The following SLC36A3 variants were observed in gnomAD, a reference collection of about 807,000 sequenced individuals.
SLC36A3 encodes the protein solute carrier family 36 member 3, also known as proton-coupled amino acid transporter 3.
In SLC36A3, 35 loss-of-function variants were observed where a neutral mutation model predicts 44.3. The ratio of observed to expected loss-of-function variants is 0.79; its 90% CI spans 0.60 to 1.05. The LOEUF (loss-of-function observed/expected upper bound fraction) is 1.05, where lower values mean the gene tolerates loss of function less well. Ranked by LOEUF, SLC36A3 falls within the 50% of genes least tolerant of loss-of-function variation. The pLI is 0.00. For missense variants in SLC36A3, 540 were observed against 578.7 expected, an observed-to-expected ratio of 0.93 and a Z score of 0.69; for synonymous variants, 211 against 227.6, an observed-to-expected ratio of 0.93 and a Z score of 0.66.
chr5:151,302,863 G>C (rs1367027942), intron 1 of SLC36A3, among the ~76,000 whole-genome samples: 2 of 151,540 alleles, frequency 1.3e-5, no homozygotes, highest in Non-Finnish European at 2.9e-5. Flanking sequence ...GGGGGTTGGG[G>C]AGAAGAGGCA....
chr5:151,284,277 G>A, intron 7 of SLC36A3, 67 bp from the exon 8 acceptor site: 4 of 1,396,770 alleles, frequency 2.9e-6, no homozygotes, highest in Non-Finnish European at 3.9e-6. Flanking sequence ...TGAAGGAGAG[G>A]GTTCCCGTAC....
intron 6 of SLC36A3, among the ~76,000 whole-genome samples, chr5:151,286,228 C>T (rs904375586): frequency 1.4e-4 from 21 of 152,336 alleles, no homozygotes; most frequent in African/African-American, 5.1e-4. Flanking sequence ...TCCAGGACCT[C>T]CCGTGGATAC....
intron 4 of SLC36A3, 52 bp from the exon 5 acceptor site, chr5:151,288,522 A>G (rs562496750): frequency 2.4e-6 from 3 of 1,252,738 alleles, no homozygotes; most frequent in Non-Finnish European, 3.3e-6. Context: ...AGCTAAAATT[A>G]TTTCTTAAGA....
intron 1 of SLC36A3, among the ~76,000 whole-genome samples, chr5:151,301,709 C>T (rs928497481): frequency 5.6e-5 from 8 of 143,102 alleles, no homozygotes; most frequent in Admixed American, 2.2e-4. Context: ...CCAGCCTGGG[C>T]GATAGAGCAA....
Position 151,303,519 on chromosome 5 carries a change from C to T in SLC36A3, c.-165G>A, listed in dbSNP as rs908754225. Reference sequence around the variant, plus strand: ...GCCTGAAGTGCATGAATCAGGGAAGCGGTGGTGGCAGGAGAGGCTGATGTT... The same window carrying T: ...GCCTGAAGTGCATGAATCAGGGAAGTGGTGGTGGCAGGAGAGGCTGATGTT... On this transcript the variant is annotated 5_prime_UTR_variant, in exon 1 of 10. Coordinates refer to ENST00000335230, the MANE Select transcript of SLC36A3 (RefSeq NM_181774.4). The T allele has an allele frequency of 9.1e-6, 6 of 657,908 alleles. No homozygotes were observed. The highest frequency in any genetic ancestry group is 7.3e-5 in the African/African-American group (4 of 55,146). 40.8% of individuals were successfully genotyped at this position (657,908 alleles called of 1,614,324 possible).
At chr5:151,283,498 T>C (rs906765274) in intron 8 of SLC36A3, among the ~76,000 whole-genome samples, 2 of 152,210 alleles carry the variant, frequency 1.3e-5, no homozygotes, top group Non-Finnish European at 2.9e-5. Flanking sequence ...ATTAGGATGA[T>C]ATCTTGAGTA....
rs1754115221 is a variant in SLC36A3 at position 151,277,067 on chromosome 5, T to C, written c.*326A>G. 3.1e-6 allele frequency: 1 copy of C among 322,678 alleles called. No individual in the cohort carries two copies. Among genetic ancestry groups the C allele is most frequent in the South Asian group, 5.0e-5 (1 of 19,960 alleles). 20.0% of individuals were successfully genotyped at this position (322,678 alleles called of 1,614,324 possible). ...GCTACTGCAGTGTAGAGAAAACAGT[T>C]ACTTTTGTATTTATGCTTGGTCTCT... On this transcript the variant is annotated 3_prime_UTR_variant, in exon 10 of 10. Transcript: ENST00000335230.
At chr5:151,299,223 GCGCTCTCTCTCTCT>G (rs1755066988) in intron 1 of SLC36A3, among the ~76,000 whole-genome samples, 1 of 94,762 alleles carries the variant, frequency 1.1e-5, no homozygotes, top group Admixed American at 1.1e-4. Context: ...AATTGCTTGT[GCGCTCTCTCTCTCT>G]CTCTCTCTCT....
chr5:151,283,307 G>A (rs1355828156), intron 8 of SLC36A3, among the ~76,000 whole-genome samples: 2 of 121,686 alleles, frequency 1.6e-5, no homozygotes, highest in Non-Finnish European at 3.7e-5. Context: ...TTTTCTTATT[G>A]GGAAGGGATA....
intron 4 of SLC36A3, among the ~76,000 whole-genome samples, chr5:151,292,336 A>T (rs1335504897): frequency 6.6e-6 from 1 of 152,186 alleles, no homozygotes; most frequent in African/African-American, 2.4e-5. Context: ...CCAAGAGAGG[A>T]GCTGCAAAGG....
chr5:151,299,387 ATATATAT>A (rs775813987), intron 1 of SLC36A3, among the ~76,000 whole-genome samples: 58 of 145,266 alleles, frequency 4.0e-4, no homozygotes, highest in Non-Finnish European at 6.3e-4. Flanking sequence ...ATATATATAT[ATATATAT>A]TATATATATA....
chr5:151,296,616 A>T (rs1211276842), intron 2 of SLC36A3: 1 of 304,634 alleles, frequency 3.3e-6, no homozygotes, highest in African/African-American at 2.2e-5. Context: ...TTCCTCCAAG[A>T]TGATTGAGGG....
At chr5:151,281,204 T>G (rs763835637) in intron 8 of SLC36A3, 21 bp from the exon 9 acceptor site, 3 of 1,589,910 alleles carry the variant, frequency 1.9e-6, no homozygotes, top group Non-Finnish European at 1.7e-6. Context: ...ATGAATTGGA[T>G]GTGAAAGGTG....
chr5:151,303,148 G>C lies in SLC36A3; in HGVS notation c.128+79C>G. On this transcript the variant is annotated intron_variant, in intron 1 of 9. Coordinates refer to ENST00000335230, the MANE Select transcript of SLC36A3 (RefSeq NM_181774.4). Reference sequence around the variant, plus strand: ...ATGGAATAAGCGTGTTAAGGAGATAGATGAAGGAAGACATAGTCCAGAGTT... The same window carrying C: ...ATGGAATAAGCGTGTTAAGGAGATACATGAAGGAAGACATAGTCCAGAGTT... The C allele has an allele frequency of 4.6e-6, 7 of 1,511,630 alleles. No individual in the cohort carries two copies. In the South Asian group the frequency reaches 9.1e-5, roughly 20 times the overall value. The allele number at this position is 1,511,630 out of a possible 1,614,324, so 93.6% of individuals were successfully genotyped here. A position where few individuals can be genotyped will look rare whatever the true frequency, so the allele number is the denominator to read the frequency against.
chr5:151,285,388 C>T (rs1037804848), intron 6 of SLC36A3, among the ~76,000 whole-genome samples: 2 of 152,168 alleles, frequency 1.3e-5, no homozygotes, highest in Non-Finnish European at 2.9e-5. Flanking sequence ...GGGGAATTGC[C>T]CAAGGTCACT....
chr5:151,288,297 C>T (rs879023917), intron 5 of SLC36A3, 89 bp downstream of exon 5: 5 of 987,736 alleles, frequency 5.1e-6, no homozygotes, highest in Middle Eastern at 2.2e-4. Context: ...TCTCTCCTCC[C>T]ATGAGCCTAA....
Position 151,303,226 on chromosome 5 carries a change from C to G in SLC36A3, c.128+1G>C. 6.2e-7 allele frequency: 1 copy of G among 1,611,742 alleles called. No homozygotes were observed. Among genetic ancestry groups the G allele is most frequent in the African/African-American group, 1.3e-5 (1 of 75,014 alleles). ...CCTGGAAGGGCGGTGCGGCCACTTA[C>G]GATAGTCCAGCTTCTCCAGCAGGAT... is the stretch of plus-strand genomic sequence containing the variant. On this transcript the variant is annotated splice_donor_variant, in intron 1 of 9. Transcript: ENST00000335230. LOFTEE classifies it high-confidence loss of function.
chr5:151,299,250 CTCTCTCTCTCTCTCTATATATATA>C (rs1012597309), intron 1 of SLC36A3, among the ~76,000 whole-genome samples: 7 of 96,118 alleles, frequency 7.3e-5, no homozygotes, highest in South Asian at 3.7e-4. Flanking sequence ...CTCTCTCTCT[CTCTCTCTCTCTCTCTATATATATA>C]TATATATATA....
chr5:151,280,139 G>A (rs920296659), intron 9 of SLC36A3, among the ~76,000 whole-genome samples: 6 of 149,936 alleles, frequency 4.0e-5, no homozygotes, highest in Non-Finnish European at 5.9e-5. Context: ...AGGAAGGGAG[G>A]GAAGAGAGAA....
Sources: gnomAD v4.1 joint callset for allele counts (sites outside exome capture counted in the v4.1 genomes callset) on GRCh38, gnomAD v4.1.1 for gene constraint, MANE v1.5 for transcripts, NCBI Gene and HGNC (gene_info 2026-07-23, HGNC 2026-07-21) for gene names.